Variants in PLXNA4 observed in about 807,000 individuals in gnomAD.
PLXNA4 encodes the protein plexin A4.
In PLXNA4, 44 loss-of-function variants were observed where a neutral mutation model predicts 191.8. The observed-to-expected ratio is 0.23, with a 90% confidence interval of 0.18 to 0.29. PLXNA4 has a LOEUF of 0.29. Ranked by LOEUF, PLXNA4 falls within the 10% of genes least tolerant of loss-of-function variation. The probability of loss-of-function intolerance (pLI) is 1.00; values close to 1 mark genes in which losing one functional copy is unlikely to be tolerated. For synonymous variants in PLXNA4, 1,082 were observed against 1,009.5 expected, an observed-to-expected ratio of 1.07 and a Z score of -1.36; for missense variants, 1,800 against 2,488.8, an observed-to-expected ratio of 0.72 and a Z score of 5.89.
chr7:132,558,621 T>C (rs1406965806), intron 1 of PLXNA4, among the ~76,000 whole-genome samples: 35 of 152,170 alleles, frequency 2.3e-4, no homozygotes, highest in Admixed American at 2.2e-3. Flanking sequence ...CTTCATGCAA[T>C]TGGGCCTGGG....
intron 1 of PLXNA4, among the ~76,000 whole-genome samples, chr7:132,537,337 A>G (rs189232794): frequency 6.6e-6 from 1 of 152,382 alleles, no homozygotes; most frequent in East Asian, 1.9e-4. Flanking sequence ...TCTGGCACCT[A>G]CCAAGCACGA....
chr7:132,591,676 A>C (rs1802605078), intron 2 of PLXNA4, among the ~76,000 whole-genome samples: 1 of 152,136 alleles, frequency 6.6e-6, no homozygotes, highest in Non-Finnish European at 1.5e-5. Context: ...AAAACATAAC[A>C]CATATAAAGG....
Position 132,185,330 on chromosome 7 carries a change from C to G in PLXNA4, c.3127G>C (p.Val1043Leu). The change falls in exon 16 of 32, where the codon GTG (valine) becomes CTG (leucine). Residue 1043 changes from valine to leucine, a missense_variant. Physicochemically the swap from Val to Leu is conservative, Grantham distance 32. This residue lies in a region of PLXNA4 where 1,397 missense variants were observed against 1,880.4 expected (regional missense o/e 0.74). Coordinates refer to ENST00000321063, the MANE Select transcript of PLXNA4 (RefSeq NM_020911.2). ...ATGCTCCATTCTGGCTCAATCCGCA[C>G]GATGGTGGGGTCTTCCACATACTGA... ...VFQYVEDPTI[V>L]RIEPEWSIVS... 6.2e-7 allele frequency: 1 copy of G among 1,613,764 alleles called. No homozygotes were observed.
At chr7:132,303,927 T>A (rs1801411466) in intron 3 of PLXNA4, among the ~76,000 whole-genome samples, 1 of 152,160 alleles carries the variant, frequency 6.6e-6, no homozygotes, top group Non-Finnish European at 1.5e-5. Context: ...CCAGGGATGA[T>A]CAGCCCAGCT....
rs1794902459 is a variant in PLXNA4, at chr7:132,130,692, G to T, written c.5590-118C>A. ...GCCCGGGAAGCCACAGGCATGTGCA[G>T]GGGCACACAGGACACTGCGGGGTAG... On this transcript the variant is annotated intron_variant, in intron 31 of 31. Coordinates refer to ENST00000321063, the MANE Select transcript of PLXNA4 (RefSeq NM_020911.2). 3.4e-6 allele frequency: 5 copies of T among 1,465,138 alleles called. No homozygotes were observed. In the East Asian group the frequency reaches 1.2e-4, roughly 34 times the overall value. 90.8% of individuals were successfully genotyped at this position (1,465,138 alleles called of 1,614,324 possible). A position where few individuals can be genotyped will look rare whatever the true frequency, so the allele number is the denominator to read the frequency against.
Position 132,164,213 on chromosome 7 carries a change from T to C in PLXNA4, c.4429A>G (p.Ile1477Val), listed in dbSNP as rs1204770963. The C allele has an allele frequency of 1.2e-6, 2 of 1,614,124 alleles. No homozygotes were observed. The highest frequency in any genetic ancestry group is 1.3e-5 in the African/African-American group (1 of 74,944). Residue 1477 changes from isoleucine (I) to valine (V), a missense_variant, in exon 24 of 32, where the codon ATC becomes GTC. Physicochemically the swap from Ile to Val is conservative, Grantham distance 29. This residue lies in a region of PLXNA4 where 214 missense variants were observed against 298.2 expected (regional missense o/e 0.72). Coordinates refer to ENST00000321063, the MANE Select transcript of PLXNA4 (RefSeq NM_020911.2). ...AAGGAGTAGCGGGCCTCGCCCGTGATGGCGTCAATGGGGCCCTTCTCCATC... is the reference window on the plus strand; with the variant it reads ...AAGGAGTAGCGGGCCTCGCCCGTGACGGCGTCAATGGGGCCCTTCTCCATC... ...QQMEKGPIDA[I>V]TGEARYSLSE...
At chr7:132,274,077 G>C (rs559029776) in intron 4 of PLXNA4, among the ~76,000 whole-genome samples, 55 of 152,038 alleles carry the variant, frequency 3.6e-4, no homozygotes, top group Middle Eastern at 3.4e-3. Flanking sequence ...CAATACAAAA[G>C]AGTATGTATT....
intron 1 of PLXNA4, among the ~76,000 whole-genome samples, chr7:132,558,240 T>C (rs532233131): frequency 6.6e-6 from 1 of 152,226 alleles, no homozygotes; most frequent in South Asian, 2.1e-4. Context: ...ATTTTTAAGT[T>C]TTCAAATATA....
intron 3 of PLXNA4, among the ~76,000 whole-genome samples, chr7:132,351,102 T>C (rs1205859430): frequency 6.6e-6 from 1 of 152,162 alleles, no homozygotes; most frequent in Non-Finnish European, 1.5e-5. Context: ...CAGAGAAAGA[T>C]AGATTAGTGG....
At position 132,127,652 on chromosome 7, in the gene PLXNA4, A is replaced by T. The variant is rs1357605062; in HGVS notation, c.*2827T>A. On this transcript the variant is annotated 3_prime_UTR_variant, in exon 32 of 32. Coordinates refer to ENST00000321063, the MANE Select transcript of PLXNA4 (RefSeq NM_020911.2). ...TCTGGATACCTGGCTCAAATTTCTC[A>T]GTCCCCAAGCAGGCCACGGGGACTG... 6.6e-6 allele frequency: 1 copy of T among 152,184 alleles called. No homozygotes were observed. The highest frequency in any genetic ancestry group is 2.4e-5 in the African/African-American group (1 of 41,446). The allele number at this position is 152,184 out of a possible 1,614,324, so 9.4% of individuals were successfully genotyped here.
At chr7:132,263,552 G>A (rs572630667) in intron 4 of PLXNA4, among the ~76,000 whole-genome samples, 1 of 152,358 alleles carries the variant, frequency 6.6e-6, no homozygotes, top group African/African-American at 2.4e-5. Context: ...TGGTTTGGAA[G>A]CTTTACCCAT....
At chr7:132,636,031 C>A (rs1471569986) in intron 2 of PLXNA4, among the ~76,000 whole-genome samples, 2 of 152,176 alleles carry the variant, frequency 1.3e-5, no homozygotes, top group African/African-American at 4.8e-5. Context: ...GGGTAGAGAG[C>A]TTCAGGAGTG....
At chr7:132,401,852 G>A (rs1793999942) in intron 3 of PLXNA4, among the ~76,000 whole-genome samples, 1 of 152,112 alleles carries the variant, frequency 6.6e-6, no homozygotes, top group Non-Finnish European at 1.5e-5. Flanking sequence ...ATTGCCAAGA[G>A]CAATTTTCAG....
chr7:132,306,700 T>G (rs910901831), intron 3 of PLXNA4, among the ~76,000 whole-genome samples: 11 of 152,182 alleles, frequency 7.2e-5, no homozygotes, highest in African/African-American at 2.7e-4. Flanking sequence ...ATTCTGGGTC[T>G]GAGTTGCCAC....
intron 2 of PLXNA4, among the ~76,000 whole-genome samples, chr7:132,585,503 A>T (rs1247683771): frequency 3.3e-5 from 5 of 151,872 alleles, no homozygotes; most frequent in African/African-American, 1.2e-4. Flanking sequence ...CCATTGGATC[A>T]CTAAAAGATA....
intron 5 of PLXNA4, among the ~76,000 whole-genome samples, chr7:132,235,001 G>A (rs537870134): frequency 4.6e-5 from 7 of 152,310 alleles, no homozygotes; most frequent in Non-Finnish European, 7.4e-5. Context: ...AGTGAAGCAA[G>A]GCAGGGCTTG....
intron 16 of PLXNA4, among the ~76,000 whole-genome samples, chr7:132,184,288 T>C (rs1366420866): frequency 6.6e-6 from 1 of 152,166 alleles, no homozygotes; most frequent in Admixed American, 6.5e-5. Context: ...CAGCTGCCTA[T>C]GAGAGTGGAC....
chr7:132,416,284 G>A (rs1364712900), intron 3 of PLXNA4, among the ~76,000 whole-genome samples: 3 of 152,196 alleles, frequency 2.0e-5, no homozygotes, highest in Non-Finnish European at 4.4e-5. Context: ...GAGCAAAGAG[G>A]AGAACCTAGG....
intron 4 of PLXNA4, chr7:132,271,032 G>A (rs1022140441): frequency 6.6e-6 from 1 of 152,176 alleles, no homozygotes; most frequent in African/African-American, 2.4e-5. Flanking sequence ...CTAGTGGAAT[G>A]TAAGTGAAAG....
Sources: gnomAD v4.1 joint callset for allele counts (sites outside exome capture counted in the v4.1 genomes callset) on GRCh38, gnomAD v4.1.1 for gene constraint, gnomAD v4.1.1 regional missense constraint, MANE v1.5 for transcripts, NCBI Gene and HGNC (gene_info 2026-07-23, HGNC 2026-07-21) for gene names.